Variants in TPM1 observed in about 807,000 individuals in gnomAD.
The protein encoded by TPM1 is tropomyosin alpha-1 chain.
TPM1 carries 24 observed loss-of-function variants against 42.9 expected under a neutral mutation model. That is an observed-to-expected ratio of 0.56 (90% CI 0.41 to 0.79). The LOEUF (loss-of-function observed/expected upper bound fraction) is 0.79, where lower values mean the gene tolerates loss of function less well. TPM1 is among the 30% of genes least tolerant of loss of function. The pLI is 0.00. For missense variants in TPM1, 158 were observed against 351.8 expected (o/e 0.45, Z 4.41); for synonymous variants, 136 against 130.1 (o/e 1.05, Z -0.31).
At chr15:63,044,196 G>A in intron 2 of TPM1, 44 bp downstream of exon 2, 1 of 1,613,946 alleles carries the variant, frequency 6.2e-7, no homozygotes, top group Non-Finnish European at 8.5e-7. Context: ...TTGCCTGCGT[G>A]GCCACTCCGG....
chr15:63,062,340 G>A, intron 7 of TPM1, 63 bp downstream of exon 7: 1 of 1,522,424 alleles, frequency 6.6e-7, no homozygotes, highest in Non-Finnish European at 9.1e-7. Flanking sequence ...CATGGAACCG[G>A]TCAGGGCCTT....
chr15:63,043,914 G>A (rs1487648553), intron 1 of TPM1, 113 bp from the exon 2 acceptor site: 1 of 1,553,780 alleles, frequency 6.4e-7, no homozygotes. Context: ...CTTTCCCTCT[G>A]TCTCTCCCGC....
intron 2 of TPM1, chr15:63,056,315 G>A (rs2034773821): frequency 6.5e-6 from 1 of 152,928 alleles, no homozygotes; most frequent in African/African-American, 2.4e-5. Flanking sequence ...CCCCCAGTGA[G>A]TGAGGTGGCC....
chr15:63,043,678 G>A, intron 1 of TPM1: 1 of 1,539,790 alleles, frequency 6.5e-7, no homozygotes, highest in Non-Finnish European at 8.7e-7. Context: ...CGTGCCGGCC[G>A]CCCGCGCCCG....
chr15:63,061,735 G>T lies in TPM1; in HGVS notation c.586G>T (p.Glu196Ter), dbSNP rs1131003. The change falls in exon 6 of 10, where the codon GAA becomes TAA. Residue 196 changes from glutamate to a stop codon, truncating the protein, a stop_gained. Coordinates refer to ENST00000403994, the MANE Select transcript of TPM1 (RefSeq NM_001018005.2). LOFTEE classifies it high-confidence loss of function. ...TAGCAAATGTGCCGAGCTTGAAGAAGAATTGAAAACTGTGACGAACAACTT... is the reference window on the plus strand; with the variant it reads ...TAGCAAATGTGCCGAGCTTGAAGAATAATTGAAAACTGTGACGAACAACTT... ...SEGKCAELEEELKTVTNNLKS... is the reference protein window; with the variant it reads ...SEGKCAELEE 1.9e-6 allele frequency: 3 copies of T among 1,614,092 alleles called. No homozygotes were observed. In the South Asian group the frequency reaches 3.3e-5, roughly 18 times the overall value.
intron 9 of TPM1, 185 bp downstream of exon 9, chr15:63,064,327 C>T: frequency 6.7e-7 from 1 of 1,482,212 alleles, no homozygotes; most frequent in Non-Finnish European, 8.9e-7. Flanking sequence ...TAGATTAAGT[C>T]TGTCTATACA....
chr15:63,065,785 T>G (rs2036212589), intron 9 of TPM1, 111 bp from the exon 10 acceptor site: 2 of 1,418,158 alleles, frequency 1.4e-6, no homozygotes, highest in Admixed American at 4.2e-5. Context: ...GCATGACTGC[T>G]TCTTGTCTGT....
chr15:63,048,571 G>C (rs1290523330), intron 2 of TPM1: 1 of 1,525,922 alleles, frequency 6.6e-7, no homozygotes, highest in Non-Finnish European at 8.8e-7. Context: ...CTACCGTCCG[G>C]CGCGATGGCG....
chr15:63,060,924 C>T lies in TPM1; in HGVS notation c.548C>T (p.Ala183Val), dbSNP rs397516376. The T allele has an allele frequency of 1.9e-5, 30 of 1,614,020 alleles. No individual in the cohort carries two copies. The highest frequency in any genetic ancestry group is 2.3e-5 in the Non-Finnish European group (27 of 1,180,048). Residue 183 changes from alanine (A) to valine (V), a missense_variant, in exon 5 of 10, where the codon GCT becomes GTT. Transcript: ENST00000403994. The stretch of plus-strand genomic sequence containing the variant: ...GACCTGGAACGTGCAGAGGAGCGGG[C>T]TGAGCTCTCAGAAGGGTAAGCGGGC... ...ESDLERAEER[A>V]ELSEGKCAEL...
intron 2 of TPM1, chr15:63,048,967 G>C: frequency 1.9e-6 from 1 of 518,374 alleles, no homozygotes; most frequent in Non-Finnish European, 3.5e-6. Flanking sequence ...GGTTCTGGAA[G>C]GAGCATTTTC....
intron 1 of TPM1, chr15:63,043,732 G>A (rs1042261478): frequency 6.5e-7 from 1 of 1,548,820 alleles, no homozygotes; most frequent in Non-Finnish European, 8.7e-7. Context: ...CGGCCAAGGA[G>A]AAGTTGCTGC....
intron 2 of TPM1, chr15:63,047,932 T>G (rs2032754476): frequency 4.7e-6 from 1 of 212,858 alleles, no homozygotes; most frequent in South Asian, 5.3e-5. Context: ...AAACTGCATT[T>G]AGAACAGGAG....
intron 9 of TPM1, chr15:63,065,370 T>G: frequency 2.0e-6 from 2 of 990,166 alleles, no homozygotes; most frequent in Non-Finnish European, 2.4e-6. Context: ...GTCATTCATT[T>G]ACCCATGCAG....
chr15:63,066,157 C>T lies in TPM1; in HGVS notation c.*258C>T. 6.9e-7 allele frequency: 1 copy of T among 1,455,068 alleles called. No individual in the cohort carries two copies. Among genetic ancestry groups the T allele is most frequent in the Admixed American group, 2.8e-5 (1 of 35,980 alleles). The allele number at this position is 1,455,068 out of a possible 1,614,324, so 90.1% of individuals were successfully genotyped here. A position where few individuals can be genotyped will look rare whatever the true frequency, so the allele number is the denominator to read the frequency against. On this transcript the variant is annotated 3_prime_UTR_variant, in exon 10 of 10. Transcript: ENST00000403994. ...ATTTTAGTTTCAACATTGAATAAAA[C>T]TACAAAGCTGCTTCACACATATGAG...
chr15:63,043,614 G>A, intron 1 of TPM1: 1 of 1,527,232 alleles, frequency 6.5e-7, no homozygotes, highest in South Asian at 1.2e-5. Flanking sequence ...CCCCGAGCCC[G>A]AGGGGCCCCA....
At chr15:63,048,014 G>C in intron 2 of TPM1, 1 of 312,434 alleles carries the variant, frequency 3.2e-6, no homozygotes, top group Non-Finnish European at 6.2e-6. Flanking sequence ...GTAGTGCTTG[G>C]GTTATAATCT....
exon 9 of TPM1, chr15:63,071,253 T>A (rs1304605485): frequency 1.7e-5 from 24 of 1,445,994 alleles, no homozygotes; most frequent in Non-Finnish European, 2.3e-5. Flanking sequence ...AAATGCAATT[T>A]ATTTACTTTT....
chr15:63,071,274 C>T (rs2036597910), exon 9 of TPM1: 9 of 1,304,802 alleles, frequency 6.9e-6, no homozygotes, highest in African/African-American at 2.9e-5. Flanking sequence ...ACCACTGTCA[C>T]AGAAACATCC....
chr15:63,061,563 T>G (rs2035634230), intron 5 of TPM1, 150 bp from the exon 6 acceptor site: 1 of 845,942 alleles, frequency 1.2e-6, no homozygotes, highest in Non-Finnish European at 2.0e-6. Flanking sequence ...CTGGAAAACC[T>G]AAACATTTTA....
Sources: allele counts gnomAD v4.1 joint callset, GRCh38; gene constraint gnomAD v4.1.1; transcripts MANE v1.5; gene names NCBI Gene and HGNC (gene_info 2026-07-23, HGNC 2026-07-21).